Variants in VAV2 observed in about 807,000 individuals in gnomAD.
The protein encoded by VAV2 is guanine nucleotide exchange factor VAV2.
In VAV2, 67 loss-of-function variants were observed where a neutral mutation model predicts 132.5. That is an observed-to-expected ratio of 0.51 (90% CI 0.42 to 0.62). The LOEUF (loss-of-function observed/expected upper bound fraction) is 0.62, where lower values mean the gene tolerates loss of function less well. Ranked by LOEUF, VAV2 falls within the 20% of genes least tolerant of loss-of-function variation. The probability of loss-of-function intolerance (pLI) is 0.00; values close to 1 mark genes in which losing one functional copy is unlikely to be tolerated. For synonymous variants in VAV2, 492 were observed against 443.5 expected (o/e 1.11, Z -1.37); for missense variants, 938 against 1,153.6 (o/e 0.81, Z 2.71).
intron 1 of VAV2, among the ~76,000 whole-genome samples, chr9:133,963,501 G>A (rs10120426): frequency 0.34 from 51,794 of 152,044 alleles, 9,115 homozygotes; most frequent in African/African-American, 0.41. Context: ...GGGTCCAGTC[G>A]TGCCGACAGG....
chr9:133,927,282 G>A (rs79951436), intron 2 of VAV2, among the ~76,000 whole-genome samples: 8,486 of 152,168 alleles, frequency 0.056, 287 homozygotes, highest in Middle Eastern at 0.088. Flanking sequence ...CAATGGCTGA[G>A]CCTCGGGACC....
At chr9:133,929,466 C>T (rs959869964) in intron 2 of VAV2, among the ~76,000 whole-genome samples, 2 of 152,094 alleles carry the variant, frequency 1.3e-5, no homozygotes, top group Non-Finnish European at 2.9e-5. Context: ...AGGTGCCTGC[C>T]CTGGCTCAGG....
chr9:133,954,547 T>G (rs1255376383), intron 1 of VAV2, among the ~76,000 whole-genome samples: 4 of 152,238 alleles, frequency 2.6e-5, no homozygotes, highest in Non-Finnish European at 5.9e-5. Context: ...GCATCGCAGG[T>G]CCAGCCATGG....
chr9:133,861,528 G>C (rs764622622), intron 2 of VAV2, 96 bp from the exon 3 acceptor site: 1 of 1,367,570 alleles, frequency 7.3e-7, no homozygotes, highest in African/African-American at 1.4e-5. Flanking sequence ...GTCGAGAACT[G>C]TTAACTGAGC....
chr9:133,868,733 C>T (rs906469276), intron 2 of VAV2, among the ~76,000 whole-genome samples: 28 of 152,364 alleles, frequency 1.8e-4, no homozygotes, highest in Admixed American at 1.7e-3. Flanking sequence ...CGCTCTGGCC[C>T]GTCCTATCCC....
rs559270080 is a variant in VAV2 at position 133,908,063 on chromosome 9, A to T, written c.321+31040T>A. 9.7e-3 allele frequency among the ~76,000 whole-genome samples: 437 copies of T among 44,888 alleles called. 13 individuals carry two copies. Among genetic ancestry groups the T allele is most frequent in the African/African-American group, 0.037 (400 of 10,752 alleles). The allele number at this position is 44,888 out of a possible 152,430, so 29.4% of individuals were successfully genotyped here. Reference sequence around the variant, plus strand: ...GCGCCCCTCCCACCCCACGCCCCCTACCTTCTCTGCCTTCCCCCAGAGAGT... The same window carrying T: ...GCGCCCCTCCCACCCCACGCCCCCTTCCTTCTCTGCCTTCCCCCAGAGAGT... On this transcript the variant is annotated intron_variant, in intron 2 of 29. Coordinates refer to ENST00000371850, the MANE Select transcript of VAV2 (RefSeq NM_001134398.2).
intron 1 of VAV2, among the ~76,000 whole-genome samples, chr9:133,983,497 C>T (rs147137325): frequency 2.4e-4 from 37 of 152,258 alleles, no homozygotes; most frequent in Non-Finnish European, 4.1e-4. Flanking sequence ...AGGCCAGGGC[C>T]CCGACCCATC....
chr9:133,893,570 C>T (rs1020946813), intron 2 of VAV2, among the ~76,000 whole-genome samples: 1 of 152,228 alleles, frequency 6.6e-6, no homozygotes, highest in Non-Finnish European at 1.5e-5. Context: ...CCGACACCCA[C>T]TCCGGCCAGC....
In VAV2 at chr9:133,824,886, C is replaced by T. The variant is rs1206483226; in HGVS notation, c.449+9386G>A. On this transcript the variant is annotated intron_variant, in intron 4 of 29. Transcript: ENST00000371850. This position sits in a 1 kb window ranked among gnomAD's most constrained non-coding sequence, Gnocchi z 5.2. ...CTGTCCAGCGAGAGGGCTCAGGGCC[C>T]GGCCTGCAGCGCTCAGGGAGATGCA... is the stretch of plus-strand genomic sequence containing the variant. 1.3e-5 allele frequency among the ~76,000 whole-genome samples: 2 copies of T among 152,206 alleles called. No homozygotes were observed. The highest frequency in any genetic ancestry group is 2.9e-5 in the Non-Finnish European group (2 of 68,038).
At chr9:133,813,737 C>A (rs1835447483) in intron 4 of VAV2, among the ~76,000 whole-genome samples, 2 of 152,196 alleles carry the variant, frequency 1.3e-5, no homozygotes, top group Admixed American at 6.5e-5. Context: ...GGATGAAAGC[C>A]GGTCAGAGGA....
chr9:133,871,147 G>A (rs1838019700), intron 2 of VAV2, among the ~76,000 whole-genome samples: 1 of 150,912 alleles, frequency 6.6e-6, no homozygotes, highest in South Asian at 2.1e-4. Context: ...TGGATGGGCA[G>A]ATGGATGGGT....
rs1395089758 is a variant in VAV2, at chr9:133,919,518, T to G, written c.321+19585A>C. Among the ~76,000 whole-genome samples, 1 of 152,280 alleles carries G rather than the reference T, an allele frequency of 6.6e-6. No individual in the cohort carries two copies. Among genetic ancestry groups the G allele is most frequent in the East Asian group, 1.9e-4 (1 of 5,172 alleles). On this transcript the variant is annotated intron_variant, in intron 2 of 29. Transcript: ENST00000371850. This position sits in a 1 kb window ranked among gnomAD's most constrained non-coding sequence, Gnocchi z 5.8. ...CACTGTCCCCCGGGGCCAGGTCGGCTGGCAATTTCTAGGCTGTTCTAAGCC... is the reference window on the plus strand; with the variant it reads ...CACTGTCCCCCGGGGCCAGGTCGGCGGGCAATTTCTAGGCTGTTCTAAGCC...
At chr9:133,776,400 A>T (rs1243111376) in intron 23 of VAV2, among the ~76,000 whole-genome samples, 1 of 152,174 alleles carries the variant, frequency 6.6e-6, no homozygotes, top group Non-Finnish European at 1.5e-5. Context: ...AGACACCCAC[A>T]GCCAAGCTCC....
intron 2 of VAV2, among the ~76,000 whole-genome samples, chr9:133,874,280 G>C (rs544717152): frequency 6.6e-6 from 1 of 152,242 alleles, no homozygotes; most frequent in Non-Finnish European, 1.5e-5. Context: ...CACTGTCTGC[G>C]AATGCTGCTC....
At chr9:133,864,510 G>T (rs1261197301) in intron 2 of VAV2, among the ~76,000 whole-genome samples, 1 of 152,184 alleles carries the variant, frequency 6.6e-6, no homozygotes, top group Non-Finnish European at 1.5e-5. Flanking sequence ...CCCAACCATG[G>T]CCTGCTCTGA....
Position 133,776,967 on chromosome 9 carries a change from C to T in VAV2, c.1965+422G>A, listed in dbSNP as rs142645274. Reference sequence around the variant, plus strand: ...CTCAGATGAAAGAAATACCATATTGCCTCTGTTTTAAATAGCATAAAGTCT... The same window carrying T: ...CTCAGATGAAAGAAATACCATATTGTCTCTGTTTTAAATAGCATAAAGTCT... On this transcript the variant is annotated intron_variant, in intron 23 of 29. Coordinates refer to ENST00000371850, the MANE Select transcript of VAV2 (RefSeq NM_001134398.2). Among the ~76,000 whole-genome samples, 69 of 152,282 alleles carry T rather than the reference C, an allele frequency of 4.5e-4. 1 individual carries two copies. The East Asian group carries it at 0.011, about 24-fold the overall frequency.
chr9:133,965,616 C>T lies in VAV2; in HGVS notation c.205-26397G>A, dbSNP rs561690229. Among the ~76,000 whole-genome samples, 300 of 151,582 alleles carry T rather than the reference C, an allele frequency of 2.0e-3. 1 individual carries two copies. Among genetic ancestry groups the T allele is most frequent in the African/African-American group, 7.1e-3 (292 of 41,304 alleles). On this transcript the variant is annotated intron_variant, in intron 1 of 29. Coordinates refer to ENST00000371850, the MANE Select transcript of VAV2 (RefSeq NM_001134398.2). The stretch of plus-strand genomic sequence containing the variant: ...TCCCTACAAGAGAAACTGTAAAACA[C>T]TGATTAAAAAAATTCAAGCAGTCAC...
chr9:133,770,538 C>T lies in VAV2; in HGVS notation c.2224-37G>A, dbSNP rs769818306. 6 of 1,607,696 alleles carry T rather than the reference C, an allele frequency of 3.7e-6. No individual in the cohort carries two copies. The South Asian group carries it at 5.5e-5, about 15-fold the overall frequency. ...ACACACTCACTGACAGCTGCTGCCA[C>T]CTCCAGGAAGTCCTCCCCCAGTGAC... On this transcript the variant is annotated intron_variant, in intron 26 of 29. Coordinates refer to ENST00000371850, the MANE Select transcript of VAV2 (RefSeq NM_001134398.2).
intron 1 of VAV2, among the ~76,000 whole-genome samples, chr9:133,990,466 C>G (rs1842980634): frequency 6.6e-6 from 1 of 151,420 alleles, no homozygotes; most frequent in Non-Finnish European, 1.5e-5. Flanking sequence ...GGAGGGGCAG[C>G]CCCCGGACCC....
Sources: gnomAD v4.1 joint callset for allele counts (sites outside exome capture counted in the v4.1 genomes callset) on GRCh38, gnomAD v4.1.1 for gene constraint, Gnocchi (gnomAD v3.1) non-coding constraint, MANE v1.5 for transcripts, NCBI Gene and HGNC (gene_info 2026-07-23, HGNC 2026-07-21) for gene names.